KIF16B: variants seen among roughly 807,000 people sequenced by gnomAD.
KIF16B encodes the protein kinesin-like protein KIF16B.
KIF16B carries 98 observed loss-of-function variants against 156.3 expected under a neutral mutation model. The ratio of observed to expected loss-of-function variants is 0.63; its 90% confidence interval spans 0.53 to 0.74. The LOEUF is 0.74. Among genes scored for constraint, KIF16B ranks in the 30% least tolerant of loss-of-function variants. The pLI is 0.00. For synonymous variants in KIF16B, 564 were observed against 583.7 expected (o/e 0.97, Z 0.49); for missense variants, 1,421 against 1,606.5 (o/e 0.88, Z 1.97).
At chr20:16,273,975 C>A (rs2063022361) in intron 25 of KIF16B, among the ~76,000 whole-genome samples, 1 of 151,566 alleles carries the variant, frequency 6.6e-6, no homozygotes, top group African/African-American at 2.4e-5. Flanking sequence ...GTGCCAGGCA[C>A]AGGGGATCTG....
At chr20:16,467,118 G>A (rs1270844909) in intron 12 of KIF16B, among the ~76,000 whole-genome samples, 1 of 152,202 alleles carries the variant, frequency 6.6e-6, no homozygotes, top group Non-Finnish European at 1.5e-5. Flanking sequence ...TTACATCAGA[G>A]CCCAACCTAC....
intron 12 of KIF16B, among the ~76,000 whole-genome samples, chr20:16,478,686 C>T (rs1156319152): frequency 6.6e-6 from 1 of 152,066 alleles, no homozygotes; most frequent in Non-Finnish European, 1.5e-5. Context: ...TTCAAGTCAC[C>T]CTTATTTTAA....
chr20:16,535,179 T>C (rs6075067), intron 1 of KIF16B, among the ~76,000 whole-genome samples: 23,046 of 152,142 alleles, frequency 0.15, 2,173 homozygotes, highest in Non-Finnish European at 0.21. Flanking sequence ...CTTTCATCAG[T>C]ATTTTGCAGT....
At position 16,289,527 on chromosome 20, in the gene KIF16B, A is replaced by G. The variant is rs532092175; in HGVS notation, c.3796-16116T>C. ...GGCAGACCCTTTAAAATCACCTCAT[A>G]TTAGATAGATACTGGCAGACCCTTT... On this transcript the variant is annotated intron_variant, in intron 25 of 25. Coordinates refer to ENST00000354981, the MANE Select transcript of KIF16B (RefSeq NM_024704.5). Among the ~76,000 whole-genome samples, 3 of 152,284 alleles carry G rather than the reference A, an allele frequency of 2.0e-5. No homozygotes were observed. In the East Asian group the frequency reaches 5.8e-4, roughly 29 times the overall value.
chr20:16,518,746 T>C (rs572101850), intron 3 of KIF16B, among the ~76,000 whole-genome samples: 2 of 152,322 alleles, frequency 1.3e-5, no homozygotes, highest in East Asian at 3.9e-4. Context: ...GTCATCTTAC[T>C]TGGTATTTGT....
At chr20:16,424,232 T>C (rs1471122421) in intron 15 of KIF16B, among the ~76,000 whole-genome samples, 1 of 152,104 alleles carries the variant, frequency 6.6e-6, no homozygotes, top group Non-Finnish European at 1.5e-5. Flanking sequence ...CTGCTCAACT[T>C]ACCTTTATAA....
At chr20:16,468,740 A>G (rs2067570904) in intron 12 of KIF16B, among the ~76,000 whole-genome samples, 1 of 152,172 alleles carries the variant, frequency 6.6e-6, no homozygotes, top group Non-Finnish European at 1.5e-5. Context: ...ACTATTAGAG[A>G]GTTGAAGATT....
At chr20:16,296,768 T>C (rs911602971) in intron 25 of KIF16B, among the ~76,000 whole-genome samples, 7 of 152,204 alleles carry the variant, frequency 4.6e-5, no homozygotes, top group Admixed American at 3.3e-4. Context: ...GTCAATTTTA[T>C]GTGTTAGATT....
chr20:16,406,305 G>C, intron 16 of KIF16B, 69 bp downstream of exon 16: 1 of 1,335,188 alleles, frequency 7.5e-7, no homozygotes, highest in South Asian at 1.2e-5. Context: ...ATTGGAACCA[G>C]AGTGACCACC....
chr20:16,295,001 CA>C (rs1315627068), intron 25 of KIF16B, among the ~76,000 whole-genome samples: 6 of 152,190 alleles, frequency 3.9e-5, no homozygotes, highest in African/African-American at 1.4e-4. Context: ...TGATTCACAG[CA>C]AGCTTGCTCA....
At chr20:16,301,365 T>C (rs2063469135) in intron 25 of KIF16B, among the ~76,000 whole-genome samples, 1 of 152,238 alleles carries the variant, frequency 6.6e-6, no homozygotes, top group Non-Finnish European at 1.5e-5. Flanking sequence ...GTGAGAGGGC[T>C]GGATCATACG....
chr20:16,520,334 T>C (rs1047566872), intron 3 of KIF16B, among the ~76,000 whole-genome samples: 2 of 152,038 alleles, frequency 1.3e-5, no homozygotes, highest in African/African-American at 4.8e-5. Flanking sequence ...ATGCTTGAGC[T>C]TAGTGGGGGG....
chr20:16,411,929 CGTGT>C (rs36019156), intron 15 of KIF16B, among the ~76,000 whole-genome samples: 9,526 of 133,938 alleles, frequency 0.071, 375 homozygotes, highest in Middle Eastern at 0.094. Context: ...GAATGTTCAA[CGTGT>C]GTGTGTGTGT....
chr20:16,463,590 A>G (rs555808341), intron 12 of KIF16B, among the ~76,000 whole-genome samples: 1 of 152,306 alleles, frequency 6.6e-6, no homozygotes, highest in East Asian at 1.9e-4. Flanking sequence ...CTTAAAGTCC[A>G]TAATATAAAA....
chr20:16,415,387 C>T (rs2066061453), intron 15 of KIF16B, among the ~76,000 whole-genome samples: 1 of 152,136 alleles, frequency 6.6e-6, no homozygotes, highest in African/African-American at 2.4e-5. Context: ...CGAAATAGTT[C>T]TTGCACAATG....
intron 22 of KIF16B, chr20:16,367,120 G>A (rs781375445): frequency 2.0e-6 from 3 of 1,533,614 alleles, no homozygotes; most frequent in Non-Finnish European, 2.6e-6. Flanking sequence ...CAAAAAACAT[G>A]TAGTGCATCT....
chr20:16,402,016 C>T (rs1314204704), intron 17 of KIF16B, among the ~76,000 whole-genome samples: 3 of 152,136 alleles, frequency 2.0e-5, no homozygotes, highest in Non-Finnish European at 4.4e-5. Flanking sequence ...CAGCACGGCC[C>T]TACATTAGCT....
chr20:16,462,047 G>A (rs1445366274), intron 12 of KIF16B, among the ~76,000 whole-genome samples: 1 of 152,056 alleles, frequency 6.6e-6, no homozygotes, highest in Non-Finnish European at 1.5e-5. Context: ...TCAGGAGTTC[G>A]AGACCAGCCT....
At chr20:16,488,045 C>T (rs1208896116) in intron 12 of KIF16B, among the ~76,000 whole-genome samples, 2 of 152,214 alleles carry the variant, frequency 1.3e-5, no homozygotes, top group Non-Finnish European at 2.9e-5. Flanking sequence ...GCCTGCTTCT[C>T]CTCTCCCACC....
Sources: allele counts gnomAD v4.1 joint callset (sites outside exome capture counted in the v4.1 genomes callset), GRCh38; gene constraint gnomAD v4.1.1; transcripts MANE v1.5; gene names NCBI Gene and HGNC (gene_info 2026-07-23, HGNC 2026-07-21).